Variants in AKR1B10 observed in about 807,000 individuals in gnomAD.
AKR1B10 encodes aldo-keto reductase family 1 member B10.
Under a neutral mutation model 38.9 loss-of-function variants are expected in AKR1B10, and 39 were observed. The observed-to-expected ratio is 1.00, with a 90% CI of 0.78 to 1.31. The LOEUF is 1.31. AKR1B10 is among the 50% of genes most tolerant of loss of function. The pLI, the probability that AKR1B10 is intolerant of heterozygous loss-of-function variation, is 0.00. For missense variants in AKR1B10, 361 were observed against 382.6 expected, an observed-to-expected ratio of 0.94 and a Z score of 0.47; for synonymous variants, 148 against 141.2, an observed-to-expected ratio of 1.05 and a Z score of -0.34.
intron 3 of AKR1B10, among the ~76,000 whole-genome samples, chr7:134,532,448 A>C (rs1807886203): frequency 6.6e-6 from 1 of 152,108 alleles, no homozygotes; most frequent in African/African-American, 2.4e-5. Flanking sequence ...GAAAAGCCCA[A>C]GTATGGTGAT....
intron 5 of AKR1B10, 54 bp from the exon 6 acceptor site, chr7:134,536,997 A>G: frequency 6.5e-7 from 1 of 1,549,476 alleles, no homozygotes. Context: ...CTCCCTAGGA[A>G]CAATGCAAAA....
At chr7:134,537,520 G>T in intron 6 of AKR1B10, 60 bp from the exon 7 acceptor site, 1 of 1,556,686 alleles carries the variant, frequency 6.4e-7, no homozygotes, top group Non-Finnish European at 8.8e-7. Context: ...CATTGGAGTG[G>T]TGTCCTTCTG....
chr7:134,535,609 CTTTT>C (rs1807979452), intron 4 of AKR1B10: 1 of 222,220 alleles, frequency 4.5e-6, no homozygotes, highest in Non-Finnish European at 5.6e-6. Flanking sequence ...TTTTTTTTTT[CTTTT>C]GAGGCCCAGC....
Position 134,541,045 on chromosome 7 carries a change from A to G in AKR1B10, c.909-2A>G. 3 of 1,573,132 alleles carry G rather than the reference A, an allele frequency of 1.9e-6. No individual in the cohort carries two copies. Among genetic ancestry groups the G allele is most frequent in the Non-Finnish European group, 2.6e-6 (3 of 1,144,666 alleles). ...GTTTTTGTTTTTTGTTCTTTCCTGCAGATCCTCTCATTTGGAAGACTATCC... is the reference window on the plus strand; with the variant it reads ...GTTTTTGTTTTTTGTTCTTTCCTGCGGATCCTCTCATTTGGAAGACTATCC... On this transcript the variant is annotated splice_acceptor_variant, in intron 9 of 9. Transcript: ENST00000359579. LOFTEE classifies it high-confidence loss of function.
rs1562933003 is a variant in AKR1B10, at chr7:134,541,029, T to C, written c.909-18T>C. 4 of 1,551,004 alleles carry C rather than the reference T, an allele frequency of 2.6e-6. No individual in the cohort carries two copies. The highest frequency in any genetic ancestry group is 8.9e-7 in the Non-Finnish European group (1 of 1,126,516). The stretch of plus-strand genomic sequence containing the variant: ...GGAACTCAGTTTCTCTGTTTTTGTT[T>C]TTTGTTCTTTCCTGCAGATCCTCTC... On this transcript the variant is annotated intron_variant, in intron 9 of 9. Transcript: ENST00000359579.
chr7:134,539,205 T>C, intron 9 of AKR1B10, 188 bp downstream of exon 9: 1 of 642,138 alleles, frequency 1.6e-6, no homozygotes, highest in Non-Finnish European at 2.7e-6. Flanking sequence ...TTGCTGCTCA[T>C]TGTCTGAACT....
At position 134,536,798 on chromosome 7, in the gene AKR1B10, A is replaced by G. The variant is rs1192952447; in HGVS notation, c.552+26A>G. 3 of 1,613,514 alleles carry G rather than the reference A, an allele frequency of 1.9e-6. No homozygotes were observed. In the South Asian group the frequency reaches 3.3e-5, roughly 18 times the overall value. ...GTAAATTCTATTCAGTTTAAGGGTA[A>G]GGGTCCTGCCCTATTACTTCTTAAA... On this transcript the variant is annotated intron_variant, in intron 5 of 9. Coordinates refer to ENST00000359579, the MANE Select transcript of AKR1B10 (RefSeq NM_020299.5).
chr7:134,535,542 G>A, intron 4 of AKR1B10: 1 of 917,052 alleles, frequency 1.1e-6, no homozygotes, highest in Non-Finnish European at 1.3e-6. Flanking sequence ...CTTTGCTCCT[G>A]CCTTCCTGTG....
In AKR1B10 at chr7:134,537,494, T is replaced by C. The variant is rs1418015470; in HGVS notation, c.660-86T>C. ...CTCCCAGATGGAGAGGCTCTGATGATCAGTCTTGAGACCCTCATTGGAGTG... is the reference window on the plus strand; with the variant it reads ...CTCCCAGATGGAGAGGCTCTGATGACCAGTCTTGAGACCCTCATTGGAGTG... On this transcript the variant is annotated intron_variant, in intron 6 of 9. Coordinates refer to ENST00000359579, the MANE Select transcript of AKR1B10 (RefSeq NM_020299.5). 36 of 1,400,860 alleles carry C rather than the reference T, an allele frequency of 2.6e-5. 1 individual carries two copies. The East Asian group carries it at 8.3e-4, about 32-fold the overall frequency. 86.8% of individuals were successfully genotyped at this position (1,400,860 alleles called of 1,614,324 possible).
chr7:134,536,605 G>T, intron 4 of AKR1B10, 45 bp from the exon 5 acceptor site: 4 of 1,603,364 alleles, frequency 2.5e-6, no homozygotes, highest in Non-Finnish European at 3.4e-6. Context: ...CAGGGTCCCT[G>T]TAGTCCCTCT....
At position 134,527,726 on chromosome 7, in the gene AKR1B10, A is replaced by AAAT; in HGVS notation, c.-186_-185insAAT. 3 of 523,258 alleles carry AAAT rather than the reference A, an allele frequency of 5.7e-6. No individual in the cohort carries two copies. The highest frequency in any genetic ancestry group is 2.2e-5 in the African/African-American group (1 of 45,244). 32.4% of individuals were successfully genotyped at this position (523,258 alleles called of 1,614,324 possible). ...CTGGGAGTCACGGTGGGCGCCTGTA[A>AAAT]TCCCAGCTACTCGGGAGGCTGAGGC... On this transcript the variant is annotated 5_prime_UTR_variant, in exon 1 of 10. Coordinates refer to ENST00000359579, the MANE Select transcript of AKR1B10 (RefSeq NM_020299.5).
intron 9 of AKR1B10, among the ~76,000 whole-genome samples, 162 bp from the exon 10 acceptor site, chr7:134,540,885 G>A (rs1808133327): frequency 6.6e-6 from 1 of 152,128 alleles, no homozygotes; most frequent in Non-Finnish European, 1.5e-5. Context: ...ATCGATTTGA[G>A]GGAAGGTCAA....
intron 7 of AKR1B10, 109 bp from the exon 8 acceptor site, chr7:134,538,085 C>T: frequency 1.1e-5 from 11 of 1,027,568 alleles, no homozygotes; most frequent in South Asian, 6.4e-5. Flanking sequence ...TAATTATTAG[C>T]GATTGTACCT....
intron 8 of AKR1B10, 47 bp from the exon 9 acceptor site, chr7:134,538,888 G>C (rs1372941049): frequency 6.2e-7 from 1 of 1,610,130 alleles, no homozygotes; most frequent in South Asian, 1.1e-5. Context: ...TCCAGCCACA[G>C]CTAGAATGGC....
chr7:134,538,108 A>T, intron 7 of AKR1B10, 86 bp from the exon 8 acceptor site: 1 of 1,237,732 alleles, frequency 8.1e-7, no homozygotes, highest in Non-Finnish European at 1.2e-6. Flanking sequence ...AGCCACAGTG[A>T]GCTGCAGAGA....
Position 134,538,213 on chromosome 7 carries a change from T to C in AKR1B10, c.761T>C (p.Ile254Thr), listed in dbSNP as rs202078387. Residue 254 changes from isoleucine to threonine, a missense_variant, in exon 8 of 10, where the codon ATC (isoleucine) becomes ACC (threonine). Around this residue, in one of 3 missense-constraint regions of AKR1B10, gnomAD observed 132 missense variants for 134.6 expected, o/e 0.98. Coordinates refer to ENST00000359579, the MANE Select transcript of AKR1B10 (RefSeq NM_020299.5). ...TAAQVLIRFH[I>T]QRNVIVIPKS... ...GCATAGGTTCTGATCCGTTTCCATA[T>C]CCAGAGGAATGTGATTGTCATCCCC... The C allele has an allele frequency of 6.2e-7, 1 of 1,614,102 alleles. No individual in the cohort carries two copies. The highest frequency in any genetic ancestry group is 8.5e-7 in the Non-Finnish European group (1 of 1,179,982).
rs1808089085 is a variant in AKR1B10 at position 134,539,281 on chromosome 7, T to C, written c.908+264T>C. ...CAATAGGCGGGAGGCAGAACATTCA[T>C]TTATTCATTCATTCAATCAATATCT... On this transcript the variant is annotated intron_variant, in intron 9 of 9. Coordinates refer to ENST00000359579, the MANE Select transcript of AKR1B10 (RefSeq NM_020299.5). Among the ~76,000 whole-genome samples, 5 of 152,168 alleles carry C rather than the reference T, an allele frequency of 3.3e-5. No individual in the cohort carries two copies. In the South Asian group the frequency reaches 1.0e-3, roughly 31 times the overall value.
At chr7:134,537,553 T>G in intron 6 of AKR1B10, 27 bp from the exon 7 acceptor site, 3 of 1,607,258 alleles carry the variant, frequency 1.9e-6, no homozygotes, top group Non-Finnish European at 2.6e-6. Context: ...ATGGTGATTA[T>G]TCACATCAGC....
chr7:134,534,956 G>A (rs1021515242), intron 4 of AKR1B10, among the ~76,000 whole-genome samples: 14 of 152,080 alleles, frequency 9.2e-5, no homozygotes, highest in African/African-American at 3.4e-4. Context: ...AAATCTGTAA[G>A]AAACTCTGGG....
Sources: gnomAD v4.1 joint callset for allele counts (sites outside exome capture counted in the v4.1 genomes callset) on GRCh38, gnomAD v4.1.1 for gene constraint, gnomAD v4.1.1 regional missense constraint, MANE v1.5 for transcripts, NCBI Gene and HGNC (gene_info 2026-07-23, HGNC 2026-07-21) for gene names.